Variants in MATN1 observed in about 807,000 individuals in gnomAD.
MATN1 encodes matrilin 1, also known as matrilin-1.
Under a neutral mutation model 41.3 loss-of-function variants are expected in MATN1, and 34 were observed. That is an observed-to-expected ratio of 0.82 (90% CI 0.63 to 1.10). MATN1 has a LOEUF of 1.10. Among genes scored for constraint, MATN1 ranks in the 50% least tolerant of loss-of-function variants. The pLI is 0.00. For synonymous variants in MATN1, 264 were observed against 278.7 expected, an observed-to-expected ratio of 0.95 and a Z score of 0.53; for missense variants, 602 against 662.4, an observed-to-expected ratio of 0.91 and a Z score of 1.00.
intron 3 of MATN1, among the ~76,000 whole-genome samples, chr1:30,717,371 G>A (rs1326678061): frequency 6.6e-6 from 1 of 152,024 alleles, no homozygotes; most frequent in East Asian, 1.9e-4. Context: ...CCCTAACCCT[G>A]ATCCTGTCCT....
intron 5 of MATN1, among the ~76,000 whole-genome samples, chr1:30,715,567 T>C (rs1360017040): frequency 6.6e-6 from 1 of 152,198 alleles, no homozygotes; most frequent in African/African-American, 2.4e-5. Flanking sequence ...TAATCATCCA[T>C]CTGGTGGTTA....
Position 30,712,769 on chromosome 1 carries a change from A to C in MATN1, c.*813T>G, listed in dbSNP as rs1639569099. 6.6e-6 allele frequency: 1 copy of C among 152,196 alleles called. No individual in the cohort carries two copies. Among genetic ancestry groups the C allele is most frequent in the African/African-American group, 2.4e-5 (1 of 41,410 alleles). The allele number at this position is 152,196 out of a possible 1,614,324, so 9.4% of individuals were successfully genotyped here. ...GAACGAATGAGTGAACGAATGAATGAATGAACAAATGAGTCCTATCTGGTG... is the reference window on the plus strand; with the variant it reads ...GAACGAATGAGTGAACGAATGAATGCATGAACAAATGAGTCCTATCTGGTG... On this transcript the variant is annotated 3_prime_UTR_variant, in exon 8 of 8. Transcript: ENST00000373765.
intron 3 of MATN1, among the ~76,000 whole-genome samples, chr1:30,717,671 A>ATTT (rs1639637604): frequency 1.1e-5 from 1 of 92,510 alleles, no homozygotes; most frequent in African/African-American, 7.1e-5. Flanking sequence ...TTTTTTTTTG[A>ATTT]GACGGAGTCG....
chr1:30,716,388 G>A (rs746401504), intron 4 of MATN1, 63 bp from the exon 5 acceptor site: 244 of 1,511,198 alleles, frequency 1.6e-4, no homozygotes, highest in Admixed American at 1.3e-3. Context: ...CCTGCTCCCC[G>A]GCTGGACACC....
chr1:30,713,520 T>C lies in MATN1; in HGVS notation c.*62A>G, dbSNP rs1639580333. On this transcript the variant is annotated 3_prime_UTR_variant, in exon 8 of 8. Transcript: ENST00000373765. ...CCCGGGCTGGCTTCCCTCACTAAAA[T>C]GGTAAAGCTACGGCGGACACGTGCA... 1 of 1,527,612 alleles carries C rather than the reference T, an allele frequency of 6.5e-7. No homozygotes were observed. Among genetic ancestry groups the C allele is most frequent in the Non-Finnish European group, 8.9e-7 (1 of 1,125,336 alleles). The allele number at this position is 1,527,612 out of a possible 1,614,324, so 94.6% of individuals were successfully genotyped here. A position where few individuals can be genotyped will look rare whatever the true frequency, so the allele number is the denominator to read the frequency against.
chr1:30,717,633 G>T (rs1188407), intron 3 of MATN1, among the ~76,000 whole-genome samples: 143,733 of 146,524 alleles, frequency 0.98, 70,508 homozygotes, highest in East Asian at 1. Flanking sequence ...GTTGTTTTTT[G>T]TGTGTGCGGT....
rs1480451153 is a variant in MATN1, at chr1:30,716,412, GC to G, written c.791-88del. On this transcript the variant is annotated intron_variant, in intron 4 of 7. Coordinates refer to ENST00000373765, the MANE Select transcript of MATN1 (RefSeq NM_002379.3). ...CGGCTGGACACCCACCACACACCAA[GC>G]TCTGTGCTGAGGATCATTACATTGT... The G allele has an allele frequency of 2.2e-6, 3 of 1,344,078 alleles. No individual in the cohort carries two copies. The Admixed American group carries it at 5.9e-5, about 27-fold the overall frequency. 83.3% of individuals were successfully genotyped at this position (1,344,078 alleles called of 1,614,324 possible). A position where few individuals can be genotyped will look rare whatever the true frequency, so the allele number is the denominator to read the frequency against.
intron 1 of MATN1, among the ~76,000 whole-genome samples, chr1:30,722,068 G>A (rs1178972400): frequency 7.1e-6 from 1 of 141,540 alleles, no homozygotes; most frequent in East Asian, 2.1e-4. Context: ...GTTTTGAGGA[G>A]CCAGCAGGGG....
chr1:30,721,772 G>C, intron 1 of MATN1, 21 bp from the exon 2 acceptor site: 10 of 1,583,122 alleles, frequency 6.3e-6, no homozygotes, highest in Non-Finnish European at 8.6e-6. Context: ...GGCAGGAGGG[G>C]TAAGGCAGAG....
At chr1:30,717,710 A>G (rs573344675) in intron 3 of MATN1, among the ~76,000 whole-genome samples, 1 of 137,818 alleles carries the variant, frequency 7.3e-6, no homozygotes, top group South Asian at 2.2e-4. Flanking sequence ...GCTGGAGTGC[A>G]GTGGCACGAT....
At chr1:30,717,121 T>C (rs868105038) in intron 3 of MATN1, among the ~76,000 whole-genome samples, 3 of 152,214 alleles carry the variant, frequency 2.0e-5, no homozygotes, top group African/African-American at 7.2e-5. Context: ...AAGGTTATAA[T>C]GCTGATGATA....
chr1:30,718,844 CT>C lies in MATN1; in HGVS notation c.554del (p.Lys185ArgfsTer71). 6.2e-6 allele frequency: 10 copies of C among 1,608,774 alleles called. No individual in the cohort carries two copies. Among genetic ancestry groups the C allele is most frequent in the Non-Finnish European group, 8.5e-6 (10 of 1,178,786 alleles). On this transcript the variant is annotated frameshift_variant, in exon 3 of 8. Transcript: ENST00000373765. LOFTEE classifies it high-confidence loss of function. ...LFAIGVGSVD[K>X]ATLRQIASEP... The stretch of plus-strand genomic sequence containing the variant: ...CGCTGGCGATCTGCCGCAGCGTGGC[CT>C]TGTCCACGCTGCCCACTCCGATGGC...
rs199805173 is a variant in MATN1 at position 30,721,649 on chromosome 1, T to C, written c.197A>G (p.Gln66Arg). The stretch of plus-strand genomic sequence containing the variant: ...CCCCACGTCCAGCGACTCGATGACC[T>C]GGGACAGGAATACCTTCACTTTCTC... ...EFEKVKVFLS[Q>R]VIESLDVGPN... The change falls in exon 2 of 8, where the codon CAG becomes CGG. Residue 66 changes from glutamine (Q) to arginine (R), a missense_variant. Gln to Arg is a conservative substitution (Grantham distance 43, BLOSUM62 1). Coordinates refer to ENST00000373765, the MANE Select transcript of MATN1 (RefSeq NM_002379.3). 3.1e-6 allele frequency: 5 copies of C among 1,613,350 alleles called. No homozygotes were observed. Among genetic ancestry groups the C allele is most frequent in the Non-Finnish European group, 4.2e-6 (5 of 1,180,032 alleles).
chr1:30,714,583 G>T (rs763413197), intron 6 of MATN1, among the ~76,000 whole-genome samples: 68 of 152,180 alleles, frequency 4.5e-4, no homozygotes, highest in Non-Finnish European at 9.0e-4. Flanking sequence ...TGTACCTGCT[G>T]CATGAAGAAC....
intron 1 of MATN1, 62 bp from the exon 2 acceptor site, chr1:30,721,813 A>AAC (rs1392687868): frequency 7.2e-7 from 1 of 1,391,520 alleles, no homozygotes; most frequent in Non-Finnish European, 1.0e-6. Flanking sequence ...ACTGGGCCTG[A>AAC]ACACACAGAG....
At chr1:30,718,235 T>C (rs1179622582) in intron 3 of MATN1, among the ~76,000 whole-genome samples, 6 of 144,438 alleles carry the variant, frequency 4.2e-5, no homozygotes, top group African/African-American at 1.6e-4. Context: ...TTTTTCTGTC[T>C]TCACTTTAGC....
At chr1:30,719,655 GTGGCGGACTC>G (rs1639673359) in intron 2 of MATN1, 1 of 153,030 alleles carries the variant, frequency 6.5e-6, no homozygotes, top group South Asian at 2.1e-4. Context: ...AAAGAAAGAG[GTGGCGGACTC>G]TGTCACTGAG....
intron 1 of MATN1, among the ~76,000 whole-genome samples, chr1:30,723,223 C>G (rs1466242643): frequency 6.6e-6 from 1 of 152,182 alleles, no homozygotes; most frequent in African/African-American, 2.4e-5. Flanking sequence ...CCTGGAAGAC[C>G]AAGGTCCCTG....
chr1:30,721,071 C>T (rs900099916), intron 2 of MATN1: 6 of 269,866 alleles, frequency 2.2e-5, no homozygotes, highest in Non-Finnish European at 2.9e-5. Context: ...AGGCTGGTGG[C>T]GGAGGCCACA....
Sources: allele counts gnomAD v4.1 joint callset (sites outside exome capture counted in the v4.1 genomes callset), GRCh38; gene constraint gnomAD v4.1.1; transcripts MANE v1.5; gene names NCBI Gene and HGNC (gene_info 2026-07-23, HGNC 2026-07-21).